PLA2G7: variants seen among roughly 807,000 people sequenced by gnomAD.
PLA2G7 encodes the protein phospholipase A2 group VII, also known as platelet-activating factor acetylhydrolase.
In PLA2G7, 63 loss-of-function variants were observed where a neutral mutation model predicts 49.6. The observed-to-expected ratio is 1.27, with a 90% CI of 1.04 to 1.57. The LOEUF (loss-of-function observed/expected upper bound fraction) is 1.57. Among genes scored for constraint, PLA2G7 ranks in the 40% most tolerant of loss-of-function variants. The pLI is 0.00. For synonymous variants in PLA2G7, 193 were observed against 169.9 expected, an observed-to-expected ratio of 1.14 and a Z score of -1.06; for missense variants, 596 against 521.2, an observed-to-expected ratio of 1.14 and a Z score of -1.40.
At position 46,704,468 on chromosome 6, in the gene PLA2G7, TCTCTCTCTCTCACACACACACACACACA is replaced by T; in HGVS notation, c.*64_*91del. ...CTCTCTCTCTCTCTCTCTCTCTCTC[TCTCTCTCTCTCACACACACACACACACA>T]CACACACACACACATAATTTTAGAC... On this transcript the variant is annotated 3_prime_UTR_variant, in exon 12 of 12. Transcript: ENST00000274793. The T allele has an allele frequency of 7.1e-6, 3 of 421,112 alleles. No individual in the cohort carries two copies. Among genetic ancestry groups the T allele is most frequent in the Non-Finnish European group, 1.2e-5 (3 of 245,114 alleles). 26.1% of individuals were successfully genotyped at this position (421,112 alleles called of 1,614,324 possible).
chr6:46,722,997 A>G lies in PLA2G7; in HGVS notation c.-34-72T>C. 11 of 720,878 alleles carry G rather than the reference A, an allele frequency of 1.5e-5. No individual in the cohort carries two copies. The South Asian group carries it at 1.6e-4, about 11-fold the overall frequency. The allele number at this position is 720,878 out of a possible 1,614,324, so 44.7% of individuals were successfully genotyped here. A position where few individuals can be genotyped will look rare whatever the true frequency, so the allele number is the denominator to read the frequency against. On this transcript the variant is annotated intron_variant, in intron 1 of 11. Transcript: ENST00000274793. ...GCCTTAAATAAGCTGACAAATCAAGAAAGGCTGAGGTACTAGTAACACTTG... is the reference window on the plus strand; with the variant it reads ...GCCTTAAATAAGCTGACAAATCAAGGAAGGCTGAGGTACTAGTAACACTTG...
chr6:46,722,778 C>T lies in PLA2G7; in HGVS notation c.109+5G>A, dbSNP rs200394896. 5.8e-6 allele frequency: 9 copies of T among 1,555,750 alleles called. No individual in the cohort carries two copies. The highest frequency in any genetic ancestry group is 8.0e-6 in the Non-Finnish European group (9 of 1,126,812). The stretch of plus-strand genomic sequence containing the variant: ...CTCAAGACCTTGAACAAATACACCT[C>T]TTACCTGATGATTTCATATGGGCAA... On this transcript the variant is annotated splice_donor_5th_base_variant and intron_variant, in intron 2 of 11. Transcript: ENST00000274793.
Position 46,716,607 on chromosome 6 carries a change from T to G in PLA2G7, c.232-79A>C, listed in dbSNP as rs1765210589. 1.1e-5 allele frequency: 15 copies of G among 1,427,064 alleles called. No individual in the cohort carries two copies. The East Asian group carries it at 3.4e-4, about 33-fold the overall frequency. The allele number at this position is 1,427,064 out of a possible 1,614,324, so 88.4% of individuals were successfully genotyped here. On this transcript the variant is annotated intron_variant, in intron 3 of 11. Coordinates refer to ENST00000274793, the MANE Select transcript of PLA2G7 (RefSeq NM_005084.4). ...CCAGCAGCTATTTTGCATATTTAAT[T>G]AGTGGGGACTCAAATACCTCTGTGT...
intron 1 of PLA2G7, among the ~76,000 whole-genome samples, 161 bp from the exon 2 acceptor site, chr6:46,723,086 T>C (rs767986241): frequency 1.3e-5 from 2 of 152,210 alleles, no homozygotes; most frequent in Non-Finnish European, 2.9e-5. Flanking sequence ...GTAAAATCCT[T>C]GGTAATGTAG....
intron 1 of PLA2G7, among the ~76,000 whole-genome samples, chr6:46,733,876 A>T (rs888189099): frequency 6.6e-6 from 1 of 152,188 alleles, no homozygotes; most frequent in African/African-American, 2.4e-5. Flanking sequence ...CCCATATACC[A>T]GTCTCCCAGC....
At chr6:46,711,072 TA>T (rs45598736) in intron 7 of PLA2G7, among the ~76,000 whole-genome samples, 1,657 of 152,312 alleles carry the variant, frequency 0.011, 26 homozygotes, top group African/African-American at 0.038. Flanking sequence ...CATTATTCTA[TA>T]ACAAAATTAA....
chr6:46,734,352 A>G (rs1404163984), intron 1 of PLA2G7, among the ~76,000 whole-genome samples: 1 of 150,580 alleles, frequency 6.6e-6, no homozygotes, highest in Non-Finnish European at 1.5e-5. Context: ...TGTGTGAGAG[A>G]GAGAGCGGAG....
intron 2 of PLA2G7, among the ~76,000 whole-genome samples, chr6:46,718,176 C>T (rs963651389): frequency 2.0e-5 from 3 of 152,240 alleles, no homozygotes; most frequent in Admixed American, 2.0e-4. Flanking sequence ...TTGACCCCTT[C>T]AAATGCATCC....
rs1201124367 is a variant in PLA2G7, at chr6:46,716,445, C to T, written c.315G>A (p.Trp105Ter). The change falls in exon 4 of 12, where the codon TGG (tryptophan) becomes TGA (stop). Residue 105 changes from tryptophan (W) to a stop codon, truncating the protein, a stop_gained. Transcript: ENST00000274793. LOFTEE classifies it high-confidence loss of function. ...TLWIPNKEYF[W>*]GLSKFLGTHW... Reference sequence around the variant, plus strand: ...GTGTTCCAAGAAATTTGCTAAGACCCCAAAAATATTCTTTATTTGGGATCC... The same window carrying T: ...GTGTTCCAAGAAATTTGCTAAGACCTCAAAAATATTCTTTATTTGGGATCC... 4.3e-6 allele frequency: 7 copies of T among 1,613,934 alleles called. No homozygotes were observed. Among genetic ancestry groups the T allele is most frequent in the Non-Finnish European group, 5.9e-6 (7 of 1,179,936 alleles).
Position 46,716,986 on chromosome 6 carries a change from G to C in PLA2G7, c.220C>G (p.His74Asp), listed in dbSNP as rs1458766640. ...AATCAAAGCATTACCTTATTAGTGTGATCAAACATTAAGTCTGTACAACCA... is the reference window on the plus strand; with the variant it reads ...AATCAAAGCATTACCTTATTAGTGTCATCAAACATTAAGTCTGTACAACCA... ...SVGCTDLMFDHTNKGTFLRLY... is the reference protein window; with the variant it reads ...SVGCTDLMFDDTNKGTFLRLY... The change falls in exon 3 of 12, where the codon CAC becomes GAC. Residue 74 changes from histidine (H) to aspartate (D), a missense_variant. Coordinates refer to ENST00000274793, the MANE Select transcript of PLA2G7 (RefSeq NM_005084.4). 1.2e-6 allele frequency: 2 copies of C among 1,613,284 alleles called. No homozygotes were observed. The highest frequency in any genetic ancestry group is 2.2e-5 in the South Asian group (2 of 91,064).
In PLA2G7 at chr6:46,729,042, C is replaced by T. The variant is rs1582588793; in HGVS notation, c.-34-6117G>A. Among the ~76,000 whole-genome samples the T allele has an allele frequency of 2.0e-5, 3 of 152,182 alleles. No homozygotes were observed. In the South Asian group the frequency reaches 6.2e-4, roughly 32 times the overall value. On this transcript the variant is annotated intron_variant, in intron 1 of 11. Transcript: ENST00000274793. Reference sequence around the variant, plus strand: ...GGGGATGTGAGCCCTTGGAGAAATGCTATTATTATTATCCAAAGTCTACCA... The same window carrying T: ...GGGGATGTGAGCCCTTGGAGAAATGTTATTATTATTATCCAAAGTCTACCA...
At chr6:46,725,089 T>C (rs999953771) in intron 1 of PLA2G7, among the ~76,000 whole-genome samples, 10 of 152,148 alleles carry the variant, frequency 6.6e-5, no homozygotes, top group Admixed American at 6.5e-4. Flanking sequence ...TTATAATTCT[T>C]AGATGATATG....
At chr6:46,717,565 T>C (rs1203310248) in intron 2 of PLA2G7, among the ~76,000 whole-genome samples, 1 of 152,034 alleles carries the variant, frequency 6.6e-6, no homozygotes, top group Non-Finnish European at 1.5e-5. Context: ...CTCTCCCTTC[T>C]CACTTTCCAA....
intron 1 of PLA2G7, among the ~76,000 whole-genome samples, chr6:46,731,776 T>C (rs1415838693): frequency 6.6e-6 from 1 of 152,200 alleles, no homozygotes; most frequent in Non-Finnish European, 1.5e-5. Context: ...GGCATATTCA[T>C]TTGTTTATTA....
intron 2 of PLA2G7, among the ~76,000 whole-genome samples, chr6:46,720,960 T>C (rs1196937837): frequency 6.6e-6 from 1 of 152,198 alleles, no homozygotes; most frequent in Non-Finnish European, 1.5e-5. Context: ...ATTCATTTAG[T>C]AAGAAATTAT....
At chr6:46,734,401 G>GGTGTGTGTGTGTGT (rs371692865) in intron 1 of PLA2G7, among the ~76,000 whole-genome samples, 3 of 75,380 alleles carry the variant, frequency 4.0e-5, no homozygotes, top group South Asian at 1.3e-3. Context: ...GGTGTGTAGT[G>GGTGTGTGTGTGTGT]GTGTGTGTGT....
intron 2 of PLA2G7, among the ~76,000 whole-genome samples, chr6:46,720,707 T>C (rs1321586037): frequency 6.6e-6 from 1 of 152,236 alleles, no homozygotes; most frequent in African/African-American, 2.4e-5. Context: ...CTCTTCTTAG[T>C]TTTCTTCAAC....
chr6:46,710,549 A>T lies in PLA2G7; in HGVS notation c.773T>A (p.Leu258Gln). 1 of 1,569,464 alleles carries T rather than the reference A, an allele frequency of 6.4e-7. No homozygotes were observed. The highest frequency in any genetic ancestry group is 8.8e-7 in the Non-Finnish European group (1 of 1,139,458). The change falls in exon 8 of 12, where the codon CTG becomes CAG. Residue 258 changes from leucine to glutamine, a missense_variant. Leu to Gln is a moderately radical substitution (Grantham distance 113). Transcript: ENST00000274793. ...ALDLKFDMEQ[L>Q]KDSIDREKIA... ...AAATTACTTTTTATAGCTTACCTTCAGTTGTTCCATATCAAACTTTAAATC... is the reference window on the plus strand; with the variant it reads ...AAATTACTTTTTATAGCTTACCTTCTGTTGTTCCATATCAAACTTTAAATC...
At chr6:46,704,867 C>T (rs1764753982) in intron 11 of PLA2G7, among the ~76,000 whole-genome samples, 171 bp from the exon 12 acceptor site, 2 of 152,250 alleles carry the variant, frequency 1.3e-5, no homozygotes, top group Admixed American at 6.5e-5. Flanking sequence ...TGAATGCAAA[C>T]GGGATAGGAG....
Sources: allele counts gnomAD v4.1 joint callset (sites outside exome capture counted in the v4.1 genomes callset), GRCh38; gene constraint gnomAD v4.1.1; transcripts MANE v1.5; gene names NCBI Gene and HGNC (gene_info 2026-07-23, HGNC 2026-07-21).